DMD: variants seen among roughly 807,000 people sequenced by gnomAD.
DMD encodes the protein mutant dystrophin.
In DMD, 63 loss-of-function variants were observed where a neutral mutation model predicts 330.1. The observed-to-expected ratio is 0.19, with a 90% CI of 0.16 to 0.24. DMD has a LOEUF of 0.24. Ranked by LOEUF, DMD falls within the 10% of genes least tolerant of loss-of-function variation. DMD has a pLI of 1.00. For synonymous variants in DMD, 1,223 were observed against 959.8 expected (o/e 1.27, Z -5.07); for missense variants, 3,344 against 2,684.1 (o/e 1.25, Z -5.43).
intron 1 of DMD, among the ~76,000 whole-genome samples, chrX:33,282,420 G>T (rs758676884): frequency 1.3e-4 from 15 of 111,173 alleles, no homozygotes; most frequent in Non-Finnish European, 2.5e-4. Flanking sequence ...ACAATAGAGG[G>T]CAGCCTCAGA....
At chrX:31,269,714 G>T in intron 62 of DMD, among the ~76,000 whole-genome samples, 1 of 111,988 alleles carries the variant, frequency 8.9e-6, no homozygotes, top group South Asian at 3.8e-4. Context: ...CAAAGAAGGC[G>T]ACCCAGTACA....
intron 72 of DMD, among the ~76,000 whole-genome samples, 180 bp downstream of exon 72, chrX:31,173,359 T>C (rs2040192537): frequency 1.8e-5 from 2 of 112,064 alleles, no homozygotes; most frequent in African/African-American, 6.5e-5. Context: ...ACTAATGCTC[T>C]TGTTGGTGAC....
chrX:33,153,424 CAAACA>C (rs905340521), intron 1 of DMD, among the ~76,000 whole-genome samples: 18 of 112,133 alleles, frequency 1.6e-4, no homozygotes, highest in African/African-American at 5.5e-4. Context: ...AACAAACAAA[CAAACA>C]AAACAAAACA....
intron 62 of DMD, among the ~76,000 whole-genome samples, chrX:31,263,029 A>G (rs1057054790): frequency 3.5e-5 from 4 of 112,738 alleles, no homozygotes; most frequent in African/African-American, 1.3e-4. Context: ...GAGCGAAGAG[A>G]GGAAGCACAC....
chrX:32,610,181 G>A (rs182863883), intron 12 of DMD, among the ~76,000 whole-genome samples: 1 of 110,963 alleles, frequency 9.0e-6, no homozygotes, highest in East Asian at 2.9e-4. Context: ...AGGGGAATGA[G>A]AGGTTCGATT....
At chrX:32,224,485 C>G (rs956232944) in intron 43 of DMD, among the ~76,000 whole-genome samples, 1 of 111,379 alleles carries the variant, frequency 9.0e-6, no homozygotes, top group African/African-American at 3.3e-5. Flanking sequence ...GCATGAACAG[C>G]AGAAAAATAA....
At chrX:32,243,856 T>C (rs2097218902) in intron 43 of DMD, among the ~76,000 whole-genome samples, 1 of 111,524 alleles carries the variant, frequency 9.0e-6, no homozygotes, top group Admixed American at 9.6e-5. Context: ...TCATTAATTT[T>C]TCCTATTCTT....
Position 31,329,340 on chromosome X carries a change from T to C in DMD, c.9164-5682A>G, listed in dbSNP as rs779252071. 2.7e-5 allele frequency among the ~76,000 whole-genome samples: 3 copies of C among 111,389 alleles called. No homozygotes were observed. In the East Asian group the frequency reaches 8.5e-4, roughly 32 times the overall value. ...ACTGCATGTATACACCACATTTTCA[T>C]ACAATGGAATACCATTCAGCATTAA... On this transcript the variant is annotated intron_variant, in intron 61 of 78. Coordinates refer to ENST00000357033, the MANE Select transcript of DMD (RefSeq NM_004006.3).
intron 18 of DMD, among the ~76,000 whole-genome samples, chrX:32,510,679 C>G (rs2045201168): frequency 9.0e-6 from 1 of 111,505 alleles, no homozygotes; most frequent in South Asian, 3.8e-4. Flanking sequence ...TCTTAAAGTG[C>G]AAATTCATAA....
intron 67 of DMD, among the ~76,000 whole-genome samples, chrX:31,186,224 T>C (rs745419616): frequency 8.9e-6 from 1 of 112,108 alleles, no homozygotes; most frequent in African/African-American, 3.2e-5. Flanking sequence ...CAAATGCTAC[T>C]GTTTACCAAA....
At chrX:31,698,417 A>G (rs2083582023) in intron 52 of DMD, among the ~76,000 whole-genome samples, 1 of 112,321 alleles carries the variant, frequency 8.9e-6, no homozygotes, top group Non-Finnish European at 1.9e-5. Flanking sequence ...CAAGGAAACC[A>G]CCATTATTGT....
chrX:32,830,640 C>T (rs889885781), intron 4 of DMD, among the ~76,000 whole-genome samples: 13 of 111,532 alleles, frequency 1.2e-4, no homozygotes, highest in Non-Finnish European at 2.5e-4. Flanking sequence ...AATAACATGC[C>T]TTGAGTTTTT....
chrX:31,256,337 T>C (rs1318007883), intron 63 of DMD, among the ~76,000 whole-genome samples: 3 of 112,118 alleles, frequency 2.7e-5, no homozygotes, highest in Non-Finnish European at 5.6e-5. Context: ...AAATTCCTAA[T>C]GACTGTTCAG....
rs1311158904 is a variant in DMD at position 32,952,139 on chromosome X, GT to G, written c.93+67999del. ...ATTTGTTCAGCTTCTTTTTTTGTTT[GT>G]TTTTTTTTTTTGAGACTCAGTCTCA... On this transcript the variant is annotated intron_variant, in intron 2 of 78. Transcript: ENST00000357033. Among the ~76,000 whole-genome samples, 835 of 100,801 alleles carry G rather than the reference GT, an allele frequency of 8.3e-3. 13 individuals are homozygous for G. Among genetic ancestry groups the G allele is most frequent in the African/African-American group, 0.028 (777 of 28,106 alleles). The allele number at this position is 100,801 out of a possible 115,157, so 87.5% of individuals were successfully genotyped here. A position where few individuals can be genotyped will look rare whatever the true frequency, so the allele number is the denominator to read the frequency against.
At chrX:31,881,607 T>TA (rs2094069567) in intron 47 of DMD, among the ~76,000 whole-genome samples, 1 of 111,703 alleles carries the variant, frequency 9.0e-6, no homozygotes, top group Non-Finnish European at 1.9e-5. Flanking sequence ...CTATTTTTTA[T>TA]CATTTGTATA....
At chrX:32,470,818 A>G (rs1452251450) in intron 22 of DMD, among the ~76,000 whole-genome samples, 1 of 112,360 alleles carries the variant, frequency 8.9e-6, no homozygotes, top group Non-Finnish European at 1.9e-5. Flanking sequence ...CTTCAAAAAA[A>G]TATTTAATTA....
intron 2 of DMD, among the ~76,000 whole-genome samples, chrX:32,924,809 G>T (rs1168401955): frequency 9.0e-6 from 1 of 111,360 alleles, no homozygotes; most frequent in Non-Finnish European, 1.9e-5. Context: ...TGAATAAATT[G>T]CTCAACCCTA....
chrX:32,655,184 T>C (rs1463345014), intron 9 of DMD, among the ~76,000 whole-genome samples: 3 of 111,883 alleles, frequency 2.7e-5, no homozygotes, highest in East Asian at 5.6e-4. Flanking sequence ...TGCTAGCTTT[T>C]GAATGTGTTT....
At chrX:32,383,794 A>C (rs1461917335) in intron 33 of DMD, among the ~76,000 whole-genome samples, 2 of 110,491 alleles carry the variant, frequency 1.8e-5, no homozygotes, top group South Asian at 3.7e-4. Flanking sequence ...TCATTTCTGA[A>C]TAATAATCAA....
Sources: gnomAD v4.1 joint callset for allele counts (sites outside exome capture counted in the v4.1 genomes callset) on GRCh38, gnomAD v4.1.1 for gene constraint, MANE v1.5 for transcripts, NCBI Gene and HGNC (gene_info 2026-07-23, HGNC 2026-07-21) for gene names.